FGF7: variants seen among roughly 807,000 people sequenced by gnomAD.
The protein encoded by FGF7 is fibroblast growth factor 7, also known as FGF-7.
Under a neutral mutation model 20.5 loss-of-function variants are expected in FGF7, and 6 were observed. The observed-to-expected ratio is 0.29, with a 90% confidence interval of 0.16 to 0.58. The LOEUF is 0.58. FGF7 is among the 20% of genes least tolerant of loss of function. FGF7 has a pLI of 0.90. For synonymous variants in FGF7, 64 were observed against 74.7 expected, an observed-to-expected ratio of 0.86 and a Z score of 0.74; for missense variants, 144 against 228.8, an observed-to-expected ratio of 0.63 and a Z score of 2.39.
chr15:49,424,726 G>C (rs2151751014), intron 2 of FGF7, 143 bp downstream of exon 2: 1 of 609,968 alleles, frequency 1.6e-6, no homozygotes, highest in East Asian at 2.9e-5. Flanking sequence ...ATTGAACTAT[G>C]TTGAACTATG....
intron 2 of FGF7, among the ~76,000 whole-genome samples, chr15:49,450,476 G>A (rs775202051): frequency 2.0e-5 from 3 of 151,898 alleles, no homozygotes; most frequent in African/African-American, 7.3e-5. Flanking sequence ...TACACCATTA[G>A]AGAGCCATTT....
Position 49,424,265 on chromosome 15 carries a change from G to GTTA in FGF7, c.-30_-28dup. On this transcript the variant is annotated 5_prime_UTR_variant, in exon 2 of 4. Coordinates refer to ENST00000267843, the MANE Select transcript of FGF7 (RefSeq NM_002009.4). ...TCAACTCAAGATTCATTTTCATTAT[G>GTTA]TTATTCATGAACACCCGGAGCACTA... 1.3e-6 allele frequency: 2 copies of GTTA among 1,582,046 alleles called. No individual in the cohort carries two copies. Among genetic ancestry groups the GTTA allele is most frequent in the Non-Finnish European group, 1.7e-6 (2 of 1,156,468 alleles).
intron 2 of FGF7, among the ~76,000 whole-genome samples, chr15:49,448,120 C>A (rs1225043605): frequency 1.3e-5 from 2 of 151,674 alleles, no homozygotes; most frequent in African/African-American, 2.4e-5. Context: ...ATATTATGCT[C>A]CTATTTACAT....
At chr15:49,477,831 G>A (rs1393974102) in intron 2 of FGF7, among the ~76,000 whole-genome samples, 1 of 152,204 alleles carries the variant, frequency 6.6e-6, no homozygotes, top group Non-Finnish European at 1.5e-5. Context: ...ATCCTTGCCA[G>A]CATACAGCAC....
At chr15:49,444,275 A>G (rs1046873162) in intron 2 of FGF7, among the ~76,000 whole-genome samples, 4 of 151,722 alleles carry the variant, frequency 2.6e-5, no homozygotes, top group African/African-American at 9.7e-5. Flanking sequence ...CAATCCAGCT[A>G]TTTAGCCCAG....
chr15:49,423,960 A>G (rs2049907935), intron 1 of FGF7, 72 bp from the exon 2 acceptor site: 1 of 215,710 alleles, frequency 4.6e-6, no homozygotes, highest in Non-Finnish European at 9.2e-6. Flanking sequence ...CTTACCCACT[A>G]AAATTTACAC....
chr15:49,426,490 T>G (rs1013328429), intron 2 of FGF7, among the ~76,000 whole-genome samples: 1 of 151,970 alleles, frequency 6.6e-6, no homozygotes, highest in African/African-American at 2.4e-5. Context: ...TGAAAATGAA[T>G]AGTATGCATA....
At position 49,471,534 on chromosome 15, in the gene FGF7, T is replaced by A. The variant is rs971866467; in HGVS notation, c.287-11617T>A. ...AATAATAATAATAATAATAATAATA[T>A]GGCAAATGTAATGAATTTATATACA... On this transcript the variant is annotated intron_variant, in intron 2 of 3. Transcript: ENST00000267843. Among the ~76,000 whole-genome samples, 9 of 139,860 alleles carry A rather than the reference T, an allele frequency of 6.4e-5. No homozygotes were observed. The East Asian group carries it at 9.0e-4, about 14-fold the overall frequency. 91.8% of individuals were successfully genotyped at this position (139,860 alleles called of 152,430 possible). A position where few individuals can be genotyped will look rare whatever the true frequency, so the allele number is the denominator to read the frequency against.
intron 2 of FGF7, among the ~76,000 whole-genome samples, chr15:49,451,827 C>A (rs928463594): frequency 6.6e-6 from 1 of 152,092 alleles, no homozygotes; most frequent in Non-Finnish European, 1.5e-5. Context: ...TCAAGTAAAT[C>A]TTTTACCTAG....
rs1242213693 is a variant in FGF7 at position 49,424,539 on chromosome 15, A to C, written c.242A>C (p.Lys81Thr). Residue 81 changes from lysine (K) to threonine (T), a missense_variant, in exon 2 of 4, where the codon AAA becomes ACA. Physicochemically the swap from Lys to Thr is moderately conservative, Grantham distance 78 (BLOSUM62 -1). Coordinates refer to ENST00000267843, the MANE Select transcript of FGF7 (RefSeq NM_002009.4). ...CRTQWYLRID[K>T]RGKVKGTQEM... ...ACACAGTGGTACCTGAGGATCGATAAAAGAGGCAAAGTAAAAGGGACCCAA... is the reference window on the plus strand; with the variant it reads ...ACACAGTGGTACCTGAGGATCGATACAAGAGGCAAAGTAAAAGGGACCCAA... The C allele has an allele frequency of 6.2e-7, 1 of 1,606,874 alleles. No homozygotes were observed. Among genetic ancestry groups the C allele is most frequent in the Non-Finnish European group, 8.5e-7 (1 of 1,175,350 alleles).
intron 2 of FGF7, among the ~76,000 whole-genome samples, chr15:49,460,554 G>A (rs1172061573): frequency 2.0e-5 from 3 of 152,158 alleles, no homozygotes; most frequent in South Asian, 2.1e-4. Flanking sequence ...CAGTTCAGGC[G>A]ATCATTACCA....
rs571206209 is a variant in FGF7 at position 49,441,878 on chromosome 15, G to C, written c.286+17295G>C. Among the ~76,000 whole-genome samples the C allele has an allele frequency of 1.1e-4, 17 of 151,272 alleles. No homozygotes were observed. The South Asian group carries it at 3.6e-3, about 32-fold the overall frequency. On this transcript the variant is annotated intron_variant, in intron 2 of 3. Coordinates refer to ENST00000267843, the MANE Select transcript of FGF7 (RefSeq NM_002009.4). Reference sequence around the variant, plus strand: ...TCTCAGTGGTCAGTAGGAGGAGGGAGCAACCTTCTCATTGTACTTATGCAT... The same window carrying C: ...TCTCAGTGGTCAGTAGGAGGAGGGACCAACCTTCTCATTGTACTTATGCAT...
rs999321698 is a variant in FGF7 at position 49,424,162 on chromosome 15, T to C, written c.-136T>C. On this transcript the variant is annotated 5_prime_UTR_variant, in exon 2 of 4. Transcript: ENST00000267843. ...GAACTAAAAGGATAAGGCTAACAAT[T>C]TGGAAAGAGCAACTACTCTTTCTTA... The C allele has an allele frequency of 2.3e-5, 17 of 733,242 alleles. No homozygotes were observed. The highest frequency in any genetic ancestry group is 3.6e-5 in the Non-Finnish European group (16 of 446,242). The allele number at this position is 733,242 out of a possible 1,614,324, so 45.4% of individuals were successfully genotyped here.
In FGF7 at chr15:49,471,445, T is replaced by A. The variant is rs181830934; in HGVS notation, c.287-11706T>A. Among the ~76,000 whole-genome samples, 75 of 150,738 alleles carry A rather than the reference T, an allele frequency of 5.0e-4. 1 individual carries two copies. The highest frequency in any genetic ancestry group is 4.0e-3 in the Admixed American group (60 of 15,070). On this transcript the variant is annotated intron_variant, in intron 2 of 3. Transcript: ENST00000267843. Reference sequence around the variant, plus strand: ...TTGTAGTGCACCTAGATGGCGCCACTGCACTATAGCCTGAGCTACAGAGTG... The same window carrying A: ...TTGTAGTGCACCTAGATGGCGCCACAGCACTATAGCCTGAGCTACAGAGTG...
intron 2 of FGF7, among the ~76,000 whole-genome samples, chr15:49,472,172 A>C (rs1255704321): frequency 1.8e-4 from 27 of 152,194 alleles, no homozygotes; most frequent in Admixed American, 1.7e-3. Flanking sequence ...TTTGAAGTAA[A>C]GTGAAATTGG....
intron 2 of FGF7, among the ~76,000 whole-genome samples, chr15:49,479,601 T>TTTTTTG: frequency 3.8e-5 from 1 of 26,358 alleles, no homozygotes; most frequent in African/African-American, 9.4e-5. Flanking sequence ...ATACCTCTGT[T>TTTTTTG]TTTTTTTTTT....
rs1342095578 is a variant in FGF7 at position 49,488,120 on chromosome 15, C to G, written c.*3616C>G. The G allele has an allele frequency of 1.3e-5, 2 of 151,978 alleles. No individual in the cohort carries two copies. The highest frequency in any genetic ancestry group is 4.8e-5 in the African/African-American group (2 of 41,414). The allele number at this position is 151,978 out of a possible 1,614,324, so 9.4% of individuals were successfully genotyped here. A position where few individuals can be genotyped will look rare whatever the true frequency, so the allele number is the denominator to read the frequency against. On this transcript the variant is annotated 3_prime_UTR_variant, in exon 4 of 4. Coordinates refer to ENST00000267843, the MANE Select transcript of FGF7 (RefSeq NM_002009.4). The stretch of plus-strand genomic sequence containing the variant: ...TCGAAATGGATGCAGGCCACTATGA[C>G]TAACTTGTGGGTATCATTTCTATGA...
At chr15:49,469,941 AC>A (rs1206744892) in intron 2 of FGF7, among the ~76,000 whole-genome samples, 14 of 152,146 alleles carry the variant, frequency 9.2e-5, no homozygotes, top group Admixed American at 3.3e-4. Context: ...AAGAATTCTC[AC>A]CTTCACAGTA....
chr15:49,483,680 G>T (rs951504235), intron 3 of FGF7, among the ~76,000 whole-genome samples: 8 of 151,868 alleles, frequency 5.3e-5, no homozygotes, highest in African/African-American at 1.7e-4. Flanking sequence ...CACAATCATG[G>T]GCATTGAAAT....
Sources: gnomAD v4.1 joint callset for allele counts (sites outside exome capture counted in the v4.1 genomes callset) on GRCh38, gnomAD v4.1.1 for gene constraint, MANE v1.5 for transcripts, NCBI Gene and HGNC (gene_info 2026-07-23, HGNC 2026-07-21) for gene names.